Variants in ITGA8 observed in about 807,000 individuals in gnomAD.
The protein encoded by ITGA8 is integrin subunit alpha 8, also known as integrin alpha-8.
A neutral mutation model predicts 142.3 loss-of-function variants in ITGA8; 91 were observed. The ratio of observed to expected loss-of-function variants is 0.64; its 90% CI spans 0.54 to 0.76. The LOEUF (loss-of-function observed/expected upper bound fraction) is 0.76. ITGA8 is among the 30% of genes least tolerant of loss of function. The pLI, the probability that ITGA8 is intolerant of heterozygous loss-of-function variation, is 0.00. For missense variants in ITGA8, 1,406 were observed against 1,327.7 expected (o/e 1.06, Z -0.92); for synonymous variants, 505 against 485.2 (o/e 1.04, Z -0.54).
chr10:15,659,656 T>G (rs1834249133), intron 9 of ITGA8, among the ~76,000 whole-genome samples: 1 of 152,180 alleles, frequency 6.6e-6, no homozygotes, highest in South Asian at 2.1e-4. Context: ...AAGACTTTAT[T>G]TGGAAATAGG....
intron 25 of ITGA8, among the ~76,000 whole-genome samples, chr10:15,560,153 C>A (rs1833949185): frequency 6.6e-6 from 1 of 151,978 alleles, no homozygotes; most frequent in Non-Finnish European, 1.5e-5. Context: ...GTGGGACAAG[C>A]CTGTAGTCCC....
intron 20 of ITGA8, among the ~76,000 whole-genome samples, chr10:15,598,497 A>C (rs1833045816): frequency 6.6e-6 from 1 of 152,214 alleles, no homozygotes; most frequent in Admixed American, 6.5e-5. Context: ...CCAGACATCT[A>C]GCTAAAGAAT....
chr10:15,646,418 A>G (rs1214310801), intron 12 of ITGA8, among the ~76,000 whole-genome samples: 2 of 152,192 alleles, frequency 1.3e-5, no homozygotes, highest in Non-Finnish European at 1.5e-5. Context: ...TTCAAAATGT[A>G]GTAACACCCT....
At chr10:15,610,997 A>ACTT (rs1833284326) in intron 15 of ITGA8, among the ~76,000 whole-genome samples, 1 of 152,196 alleles carries the variant, frequency 6.6e-6, no homozygotes, top group Non-Finnish European at 1.5e-5. Flanking sequence ...AAAGATAGAT[A>ACTT]CTTTATAAAA....
intron 2 of ITGA8, among the ~76,000 whole-genome samples, chr10:15,716,711 C>T (rs2131744407): frequency 7.3e-6 from 1 of 136,468 alleles, no homozygotes; most frequent in East Asian, 2.1e-4. Flanking sequence ...ACTCTTGTTG[C>T]CCAGGCTGGA....
chr10:15,708,430 G>GA (rs1172266431), intron 2 of ITGA8, among the ~76,000 whole-genome samples: 1 of 152,090 alleles, frequency 6.6e-6, no homozygotes, highest in Non-Finnish European at 1.5e-5. Flanking sequence ...TTGGGGGACT[G>GA]AGTGTTGGTA....
intron 28 of ITGA8, among the ~76,000 whole-genome samples, chr10:15,521,828 C>T (rs1430991799): frequency 6.6e-6 from 1 of 152,122 alleles, no homozygotes; most frequent in Non-Finnish European, 1.5e-5. Context: ...GATGCTGCAG[C>T]CTAAGTAATT....
At chr10:15,537,611 T>A (rs1311710354) in intron 27 of ITGA8, among the ~76,000 whole-genome samples, 4 of 152,184 alleles carry the variant, frequency 2.6e-5, no homozygotes, top group African/African-American at 9.7e-5. Context: ...GAATAGAATG[T>A]CGTGTATGGA....
intron 2 of ITGA8, among the ~76,000 whole-genome samples, chr10:15,698,848 C>G (rs552651808): frequency 6.6e-6 from 1 of 152,258 alleles, no homozygotes; most frequent in South Asian, 2.1e-4. Context: ...AGATGTTCTC[C>G]CGCTCTGTGG....
chr10:15,640,813 A>G (rs1376004450), intron 13 of ITGA8, among the ~76,000 whole-genome samples: 2 of 152,232 alleles, frequency 1.3e-5, no homozygotes, highest in African/African-American at 4.8e-5. Flanking sequence ...AGAGGCTAAC[A>G]GAGGACGAAG....
chr10:15,643,097 C>T (rs1460752449), intron 13 of ITGA8, among the ~76,000 whole-genome samples: 2 of 152,190 alleles, frequency 1.3e-5, no homozygotes, highest in Non-Finnish European at 2.9e-5. Context: ...TCTTTTAAGA[C>T]AAATCAATGT....
chr10:15,695,931 T>G (rs1482123314), intron 2 of ITGA8, among the ~76,000 whole-genome samples: 4 of 152,190 alleles, frequency 2.6e-5, no homozygotes, highest in Non-Finnish European at 4.4e-5. Context: ...AACTTCCAAA[T>G]TCCTTGATCT....
chr10:15,628,113 G>A (rs1833617775), intron 13 of ITGA8, among the ~76,000 whole-genome samples: 1 of 151,846 alleles, frequency 6.6e-6, no homozygotes, highest in African/African-American at 2.4e-5. Context: ...CAAACGGGAG[G>A]AACCCTCAGT....
intron 1 of ITGA8, 149 bp downstream of exon 1, chr10:15,719,414 G>T: frequency 1.6e-6 from 1 of 641,206 alleles, no homozygotes. Flanking sequence ...GGGGAGAGAA[G>T]GGGCTGGTGG....
At chr10:15,533,769 T>A (rs1455871302) in intron 27 of ITGA8, among the ~76,000 whole-genome samples, 2 of 152,240 alleles carry the variant, frequency 1.3e-5, no homozygotes, top group Non-Finnish European at 2.9e-5. Context: ...TCCTAATGCA[T>A]CATAGACAGC....
intron 10 of ITGA8, 73 bp from the exon 11 acceptor site, chr10:15,655,479 T>G (rs1470730295): frequency 3.0e-6 from 3 of 998,228 alleles, no homozygotes; most frequent in Non-Finnish European, 4.8e-6. Context: ...CTATTATTCC[T>G]GAAAGATTCA....
At chr10:15,522,514 C>A (rs1057514596) in intron 28 of ITGA8, among the ~76,000 whole-genome samples, 6 of 152,194 alleles carry the variant, frequency 3.9e-5, no homozygotes, top group Non-Finnish European at 8.8e-5. Context: ...AGGCCAGTTA[C>A]AATGACCCCA....
At chr10:15,700,956 A>G (rs1835152995) in intron 2 of ITGA8, among the ~76,000 whole-genome samples, 1 of 152,214 alleles carries the variant, frequency 6.6e-6, no homozygotes, top group Admixed American at 6.5e-5. Context: ...ATGTTTTTAT[A>G]TAGGTATTAT....
intron 13 of ITGA8, among the ~76,000 whole-genome samples, chr10:15,639,680 C>T (rs1396744854): frequency 6.6e-6 from 1 of 152,216 alleles, no homozygotes; most frequent in Admixed American, 6.5e-5. Context: ...AGCAGGGAAA[C>T]ACTGCTCTAG....
Sources: allele counts gnomAD v4.1 joint callset (sites outside exome capture counted in the v4.1 genomes callset), GRCh38; gene constraint gnomAD v4.1.1; transcripts MANE v1.5; gene names NCBI Gene and HGNC (gene_info 2026-07-23, HGNC 2026-07-21).